The following SNX29 variants were observed in gnomAD, a reference collection of about 807,000 sequenced individuals.
SNX29 encodes the protein sorting nexin 29.
In SNX29, 78 loss-of-function variants were observed where a neutral mutation model predicts 102.1. The ratio of observed to expected loss-of-function variants is 0.76; its 90% confidence interval spans 0.64 to 0.92. The LOEUF is 0.92. Ranked by LOEUF, SNX29 falls within the 40% of genes least tolerant of loss-of-function variation. The pLI, the probability that SNX29 is intolerant of heterozygous loss-of-function variation, is 0.00. For missense variants in SNX29, 1,280 were observed against 1,061.7 expected (o/e 1.21, Z -2.86); for synonymous variants, 580 against 414.5 (o/e 1.40, Z -4.85).
At chr16:12,336,138 C>T (rs2081442199) in intron 15 of SNX29, among the ~76,000 whole-genome samples, 1 of 152,154 alleles carries the variant, frequency 6.6e-6, no homozygotes, top group African/African-American at 2.4e-5. Context: ...TAGGCCATCA[C>T]CACAGACCCA....
chr16:12,016,013 C>T (rs527776461), intron 3 of SNX29, among the ~76,000 whole-genome samples: 13 of 151,980 alleles, frequency 8.6e-5, no homozygotes, highest in African/African-American at 2.2e-4. Flanking sequence ...TACAGGCGCC[C>T]GCCACCACGC....
At chr16:12,260,310 T>G (rs1046346051) in intron 14 of SNX29, among the ~76,000 whole-genome samples, 1 of 152,248 alleles carries the variant, frequency 6.6e-6, no homozygotes, top group Non-Finnish European at 1.5e-5. Flanking sequence ...GGATACATTC[T>G]GGATTTCCAA....
chr16:12,079,082 G>A (rs929062911), intron 11 of SNX29, among the ~76,000 whole-genome samples, 167 bp downstream of exon 11: 2 of 152,224 alleles, frequency 1.3e-5, no homozygotes, highest in African/African-American at 2.4e-5. Flanking sequence ...ATCCAGAACC[G>A]TGGTTAATGC....
chr16:12,443,138 C>T (rs1043755785), intron 18 of SNX29: 23 of 421,446 alleles, frequency 5.5e-5, no homozygotes, highest in African/African-American at 1.0e-4. Context: ...TAAATCCTGC[C>T]GGGCCTAGGG....
chr16:12,333,842 G>T (rs1411702248), intron 15 of SNX29, among the ~76,000 whole-genome samples: 1 of 152,160 alleles, frequency 6.6e-6, no homozygotes, highest in East Asian at 1.9e-4. Flanking sequence ...TGTTTAGCCA[G>T]GTCCATTCCA....
intron 13 of SNX29, among the ~76,000 whole-genome samples, chr16:12,165,843 C>T (rs1205780063): frequency 2.6e-5 from 4 of 152,210 alleles, no homozygotes; most frequent in South Asian, 2.1e-4. Context: ...GGATTACTGG[C>T]GTGAGCCACC....
At chr16:12,171,885 G>A (rs2076157346) in intron 13 of SNX29, among the ~76,000 whole-genome samples, 2 of 152,174 alleles carry the variant, frequency 1.3e-5, no homozygotes, top group Non-Finnish European at 2.9e-5. Context: ...CTTTCTGGCT[G>A]TGCACTGTCA....
At chr16:12,455,657 G>C (rs1420176254) in intron 18 of SNX29, among the ~76,000 whole-genome samples, 1 of 152,224 alleles carries the variant, frequency 6.6e-6, no homozygotes. Context: ...GCTTTGCAAA[G>C]TCTTTATTTG....
At chr16:12,296,305 G>A (rs1397146106) in intron 15 of SNX29, among the ~76,000 whole-genome samples, 1 of 152,182 alleles carries the variant, frequency 6.6e-6, no homozygotes, top group Admixed American at 6.5e-5. Flanking sequence ...AAAATCGAGT[G>A]GATAAAATTG....
chr16:11,977,973 T>G (rs1398342577), intron 1 of SNX29: 2 of 152,246 alleles, frequency 1.3e-5, no homozygotes, highest in Non-Finnish European at 2.9e-5. Context: ...GGCCGTTGTC[T>G]TCCACTCAGG....
At position 12,172,920 on chromosome 16, in the gene SNX29, G is replaced by A. The variant is rs1459085001; in HGVS notation, c.1596-26681G>A. ...GCAGCTGCTCAACTCTGCCATTGTA[G>A]TGTGAAAGCAGTGTTGAAGTCAGGT... On this transcript the variant is annotated intron_variant, in intron 13 of 20. Coordinates refer to ENST00000566228, the MANE Select transcript of SNX29 (RefSeq NM_032167.5). Among the ~76,000 whole-genome samples, 4 of 152,202 alleles carry A rather than the reference G, an allele frequency of 2.6e-5. No individual in the cohort carries two copies. The East Asian group carries it at 7.7e-4, about 29-fold the overall frequency.
At chr16:12,361,990 T>C (rs1342522565) in intron 16 of SNX29, among the ~76,000 whole-genome samples, 1 of 152,208 alleles carries the variant, frequency 6.6e-6, no homozygotes, top group African/African-American at 2.4e-5. Context: ...CCTATACATG[T>C]TAATAACGAG....
intron 14 of SNX29, among the ~76,000 whole-genome samples, chr16:12,234,289 G>A (rs1050532395): frequency 2.0e-5 from 3 of 152,104 alleles, no homozygotes; most frequent in African/African-American, 7.2e-5. Flanking sequence ...GTTTCAATTT[G>A]CATTTCCCTG....
intron 14 of SNX29, among the ~76,000 whole-genome samples, chr16:12,227,771 G>A (rs1456860411): frequency 6.6e-6 from 1 of 151,782 alleles, no homozygotes; most frequent in African/African-American, 2.4e-5. Flanking sequence ...ATGGTGGCTC[G>A]TGCTTGTAAT....
At chr16:12,288,547 C>A (rs1394227269) in intron 15 of SNX29, among the ~76,000 whole-genome samples, 3 of 152,194 alleles carry the variant, frequency 2.0e-5, no homozygotes, top group Admixed American at 2.0e-4. Flanking sequence ...CTCCAGCTTG[C>A]CCTTGAATTC....
intron 18 of SNX29, among the ~76,000 whole-genome samples, chr16:12,445,594 C>G (rs2086013383): frequency 6.6e-6 from 1 of 152,208 alleles, no homozygotes; most frequent in African/African-American, 2.4e-5. Flanking sequence ...AATAGTAAAT[C>G]AAGATGGAGT....
intron 14 of SNX29, among the ~76,000 whole-genome samples, chr16:12,256,692 G>A (rs1023060238): frequency 1.3e-5 from 2 of 152,162 alleles, no homozygotes; most frequent in African/African-American, 4.8e-5. Flanking sequence ...TGCCTGCTAT[G>A]TGCCAGGTAC....
Position 12,408,177 on chromosome 16 carries a change from CA to C in SNX29, c.2037+4658del, listed in dbSNP as rs559151631. Among the ~76,000 whole-genome samples the C allele has an allele frequency of 3.7e-5, 5 of 133,506 alleles. 1 individual carries two copies. The highest frequency in any genetic ancestry group is 1.3e-4 in the African/African-American group (4 of 30,112). The allele number at this position is 133,506 out of a possible 152,430, so 87.6% of individuals were successfully genotyped here. On this transcript the variant is annotated intron_variant, in intron 18 of 20. Transcript: ENST00000566228. ...CTTCTCAAAAAAACAAACAAACAAA[CA>C]AAAAAAAAACTAGAAGCAGCTGGGA...
chr16:12,260,150 T>TTCTTTTTTAAACCTA (rs2078691795), intron 14 of SNX29, among the ~76,000 whole-genome samples: 1 of 152,208 alleles, frequency 6.6e-6, no homozygotes. Context: ...TCAACGTGAT[T>TTCTTTTTTAAACCTA]TCTTTTTTAA....
Sources: gnomAD v4.1 joint callset for allele counts (sites outside exome capture counted in the v4.1 genomes callset) on GRCh38, gnomAD v4.1.1 for gene constraint, MANE v1.5 for transcripts, NCBI Gene and HGNC (gene_info 2026-07-23, HGNC 2026-07-21) for gene names.